SPOCK1: variants seen among roughly 807,000 people sequenced by gnomAD.
SPOCK1 encodes testican-1.
SPOCK1 carries 23 observed loss-of-function variants against 55.3 expected under a neutral mutation model. The observed-to-expected ratio is 0.42, with a 90% CI of 0.30 to 0.59. SPOCK1 has a LOEUF of 0.59. Ranked by LOEUF, SPOCK1 falls within the 20% of genes least tolerant of loss-of-function variation. The pLI, the probability that SPOCK1 is intolerant of heterozygous loss-of-function variation, is 0.22. For missense variants in SPOCK1, 499 were observed against 552.5 expected, an observed-to-expected ratio of 0.90 and a Z score of 0.97; for synonymous variants, 226 against 221.0, an observed-to-expected ratio of 1.02 and a Z score of -0.20.
chr5:137,466,207 T>C (rs1318550540), intron 2 of SPOCK1, among the ~76,000 whole-genome samples: 1 of 152,220 alleles, frequency 6.6e-6, no homozygotes, highest in Non-Finnish European at 1.5e-5. Context: ...CCACCATCTT[T>C]TGTGTTCCTG....
intron 3 of SPOCK1, among the ~76,000 whole-genome samples, chr5:137,176,502 ATGTGTGTGTG>A (rs10527760): frequency 2.0e-5 from 3 of 150,344 alleles, no homozygotes. Context: ...CCCCACCACA[ATGTGTGTGTG>A]TGTGTGTGTG....
chr5:137,050,921 C>T (rs556868001), intron 6 of SPOCK1, among the ~76,000 whole-genome samples: 1 of 152,278 alleles, frequency 6.6e-6, no homozygotes, highest in South Asian at 2.1e-4. Flanking sequence ...AGACGTTTTC[C>T]AAGGAGGCTT....
At chr5:137,112,339 C>T (rs1753490670) in intron 5 of SPOCK1, 96 bp downstream of exon 5, 2 of 1,494,358 alleles carry the variant, frequency 1.3e-6, no homozygotes, top group South Asian at 1.3e-5. Flanking sequence ...GCCTGGAGCC[C>T]ACCACGCTTC....
At chr5:137,259,226 C>G (rs867053206) in intron 3 of SPOCK1, among the ~76,000 whole-genome samples, 1 of 152,106 alleles carries the variant, frequency 6.6e-6, no homozygotes, top group African/African-American at 2.4e-5. Flanking sequence ...ATAGCAAAGA[C>G]GTGGAACCAA....
rs1750643449 is a variant in SPOCK1 at position 136,977,618 on chromosome 5, GGC to G, written c.*1034_*1035del. The G allele has an allele frequency of 2.7e-6, 1 of 375,096 alleles. No individual in the cohort carries two copies. Among genetic ancestry groups the G allele is most frequent in the African/African-American group, 2.3e-5 (1 of 43,760 alleles). The allele number at this position is 375,096 out of a possible 1,614,324, so 23.2% of individuals were successfully genotyped here. A position where few individuals can be genotyped will look rare whatever the true frequency, so the allele number is the denominator to read the frequency against. ...GTAGGTAAGGAAGGAAGAAACCTATGGCAGACAGGATTGCTGCAGCCAAGGGG... is the reference window on the plus strand; with the variant it reads ...GTAGGTAAGGAAGGAAGAAACCTATGAGACAGGATTGCTGCAGCCAAGGGG... On this transcript the variant is annotated 3_prime_UTR_variant, in exon 11 of 11. Coordinates refer to ENST00000394945, the MANE Select transcript of SPOCK1 (RefSeq NM_004598.4).
chr5:137,191,857 C>T (rs768394199), intron 3 of SPOCK1, among the ~76,000 whole-genome samples: 28 of 152,210 alleles, frequency 1.8e-4, no homozygotes, highest in South Asian at 4.1e-4. Flanking sequence ...CTGCATTCTA[C>T]TTTCCAACAA....
chr5:137,217,716 C>T (rs990772230), intron 3 of SPOCK1, among the ~76,000 whole-genome samples: 7 of 152,178 alleles, frequency 4.6e-5, no homozygotes, highest in South Asian at 2.1e-4. Context: ...TACTGATCAT[C>T]TACTATGCAA....
intron 3 of SPOCK1, among the ~76,000 whole-genome samples, chr5:137,235,884 A>C (rs185316301): frequency 2.6e-5 from 4 of 152,338 alleles, no homozygotes; most frequent in African/African-American, 9.6e-5. Context: ...GGGTGTATAC[A>C]TGAACATGAA....
intron 2 of SPOCK1, among the ~76,000 whole-genome samples, chr5:137,381,104 C>T (rs1203648161): frequency 6.6e-6 from 1 of 152,080 alleles, no homozygotes; most frequent in Non-Finnish European, 1.5e-5. Flanking sequence ...ACAGGCCTCA[C>T]GCAAGTCCAA....
At chr5:137,065,850 G>A (rs1482958243) in intron 6 of SPOCK1, among the ~76,000 whole-genome samples, 1 of 152,162 alleles carries the variant, frequency 6.6e-6, no homozygotes, top group Non-Finnish European at 1.5e-5. Context: ...TAATGGCAAT[G>A]GGGTTACTTG....
chr5:137,300,993 G>C (rs1044684091), intron 2 of SPOCK1, among the ~76,000 whole-genome samples: 18 of 152,314 alleles, frequency 1.2e-4, no homozygotes, highest in Admixed American at 1.1e-3. Flanking sequence ...TAGGAGTCTA[G>C]TCTAAGACCA....
chr5:137,303,624 C>T (rs28590352), intron 2 of SPOCK1, among the ~76,000 whole-genome samples: 14,336 of 152,172 alleles, frequency 0.094, 1,489 homozygotes, highest in African/African-American at 0.26. Flanking sequence ...GTACTTGTCC[C>T]AAGAGGAAAG....
chr5:137,211,126 C>T (rs932153209), intron 3 of SPOCK1, among the ~76,000 whole-genome samples: 6 of 152,198 alleles, frequency 3.9e-5, no homozygotes, highest in African/African-American at 7.2e-5. Context: ...CCATCTAATG[C>T]TATTTCTTTG....
rs184652620 is a variant in SPOCK1 at position 137,165,777 on chromosome 5, G to A, written c.233-25083C>T. On this transcript the variant is annotated intron_variant, in intron 3 of 10. Transcript: ENST00000394945. The stretch of plus-strand genomic sequence containing the variant: ...TGAAAAACGCAATTGGCATACTAAA[G>A]AATGCATCAGAGTCTTTTAATAGCA... Among the ~76,000 whole-genome samples the A allele has an allele frequency of 1.4e-3, 209 of 152,186 alleles. No homozygotes were observed. In the Middle Eastern group the frequency reaches 0.017, roughly 12 times the overall value.
chr5:137,069,465 T>C (rs747330029), intron 5 of SPOCK1, among the ~76,000 whole-genome samples: 2 of 151,904 alleles, frequency 1.3e-5, no homozygotes, highest in African/African-American at 2.4e-5. Context: ...CAAAAAAGAG[T>C]GTGTCCTTGT....
Position 137,286,639 on chromosome 5 carries a change from C to T in SPOCK1, c.187-19584G>A, listed in dbSNP as rs1021681964. Among the ~76,000 whole-genome samples, 5 of 152,174 alleles carry T rather than the reference C, an allele frequency of 3.3e-5. No homozygotes were observed. The South Asian group carries it at 1.0e-3, about 32-fold the overall frequency. On this transcript the variant is annotated intron_variant, in intron 2 of 10. Transcript: ENST00000394945. ...CCTCACCAAAATCCAGGGGAGACTG[C>T]AGCCTAGAACAGCAAAGGGAGATAG... is the stretch of plus-strand genomic sequence containing the variant.
At position 137,391,523 on chromosome 5, in the gene SPOCK1, C is replaced by T. The variant is rs115167788; in HGVS notation, c.186+106850G>A. Among the ~76,000 whole-genome samples, 1,134 of 152,178 alleles carry T rather than the reference C, an allele frequency of 7.5e-3. 16 individuals carry two copies. Among genetic ancestry groups the T allele is most frequent in the African/African-American group, 0.026 (1,082 of 41,500 alleles). On this transcript the variant is annotated intron_variant, in intron 2 of 10. Transcript: ENST00000394945. ...AGAATCGTTTTATTTTCAGAATACC[C>T]TCTGGCTCCTGTGTAAGAAGCTGTA...
chr5:137,067,927 A>AAAGAC, intron 5 of SPOCK1, 98 bp from the exon 6 acceptor site: 1 of 971,444 alleles, frequency 1.0e-6, no homozygotes, highest in Non-Finnish European at 1.6e-6. Flanking sequence ...TCACAAAAGC[A>AAAGAC]AAGACAAAGC....
intron 2 of SPOCK1, among the ~76,000 whole-genome samples, chr5:137,421,813 G>T (rs530391578): frequency 6.6e-6 from 1 of 152,108 alleles, no homozygotes; most frequent in Non-Finnish European, 1.5e-5. Context: ...GGTTAATATT[G>T]TTATGTGTGA....
Sources: allele counts gnomAD v4.1 joint callset (sites outside exome capture counted in the v4.1 genomes callset), GRCh38; gene constraint gnomAD v4.1.1; transcripts MANE v1.5; gene names NCBI Gene and HGNC (gene_info 2026-07-23, HGNC 2026-07-21).